Variants in VIPAS39 observed in about 807,000 individuals in gnomAD.
The protein encoded by VIPAS39 is spermatogenesis-defective protein 39 homolog.
A neutral mutation model predicts 84.7 loss-of-function variants in VIPAS39; 63 were observed. The observed-to-expected ratio is 0.74, with a 90% CI of 0.61 to 0.92. The LOEUF (loss-of-function observed/expected upper bound fraction) is 0.92. VIPAS39 is among the 40% of genes least tolerant of loss of function. The pLI, the probability that VIPAS39 is intolerant of heterozygous loss-of-function variation, is 0.00. For synonymous variants in VIPAS39, 192 were observed against 216.5 expected (o/e 0.89, Z 0.99); for missense variants, 499 against 604.5 (o/e 0.83, Z 1.83).
rs763671562 is a variant in VIPAS39 at position 77,435,936 on chromosome 14, A to G, written c.837-17T>C. On this transcript the variant is annotated splice_polypyrimidine_tract_variant and intron_variant, in intron 12 of 19. Transcript: ENST00000557658. ...AATGGCAAACTGGTAGAGTGCCAGA[A>G]GGTTAGTACCTTTCTCTATTCAAAC... 1.2e-6 allele frequency: 2 copies of G among 1,613,810 alleles called. No individual in the cohort carries two copies. Among genetic ancestry groups the G allele is most frequent in the South Asian group, 1.1e-5 (1 of 91,076 alleles).
In VIPAS39 at chr14:77,451,175, A is replaced by C; in HGVS notation, c.343+12T>G. 1 of 1,614,234 alleles carries C rather than the reference A, an allele frequency of 6.2e-7. No homozygotes were observed. The highest frequency in any genetic ancestry group is 8.5e-7 in the Non-Finnish European group (1 of 1,180,042). On this transcript the variant is annotated intron_variant, in intron 4 of 19. Transcript: ENST00000557658. Reference sequence around the variant, plus strand: ...GAAGGACTTCCCTATCCATTTAAGCATCTCTCTTTACCTCTAAAAAAGCTG... The same window carrying C: ...GAAGGACTTCCCTATCCATTTAAGCCTCTCTCTTTACCTCTAAAAAAGCTG...
intron 7 of VIPAS39, among the ~76,000 whole-genome samples, chr14:77,445,080 T>A (rs1004743446): frequency 6.6e-6 from 1 of 151,644 alleles, no homozygotes; most frequent in Non-Finnish European, 1.5e-5. Flanking sequence ...TGCCTCAGCC[T>A]CCCGAGTAGC....
intron 7 of VIPAS39, among the ~76,000 whole-genome samples, chr14:77,447,782 T>G (rs972850124): frequency 5.9e-5 from 9 of 152,138 alleles, no homozygotes; most frequent in Admixed American, 2.6e-4. Context: ...TGCCTCAGCC[T>G]CCCGAGTAGC....
Position 77,457,548 on chromosome 14 carries a change from G to T in VIPAS39, c.-54C>A. The stretch of plus-strand genomic sequence containing the variant: ...GACAGCGCCAGCCTCCGCCGCCGCT[G>T]GACCAGCCCTTCTATTCAGGCTGTG... On this transcript the variant is annotated 5_prime_UTR_variant, in exon 1 of 20. Coordinates refer to ENST00000557658, the MANE Select transcript of VIPAS39 (RefSeq NM_001193315.2). The T allele has an allele frequency of 1.5e-6, 1 of 670,042 alleles. No homozygotes were observed. Among genetic ancestry groups the T allele is most frequent in the Admixed American group, 2.8e-5 (1 of 35,582 alleles). The allele number at this position is 670,042 out of a possible 1,614,324, so 41.5% of individuals were successfully genotyped here. A position where few individuals can be genotyped will look rare whatever the true frequency, so the allele number is the denominator to read the frequency against.
At chr14:77,427,976 A>G (rs371723574) in intron 19 of VIPAS39, among the ~76,000 whole-genome samples, 1 of 152,200 alleles carries the variant, frequency 6.6e-6, no homozygotes, top group African/African-American at 2.4e-5. Flanking sequence ...TGTGCTCCCC[A>G]GGTAGCTAAC....
intron 7 of VIPAS39, among the ~76,000 whole-genome samples, chr14:77,446,044 T>A (rs1185359296): frequency 2.0e-5 from 3 of 149,454 alleles, no homozygotes; most frequent in African/African-American, 7.4e-5. Context: ...TTTCATGGCT[T>A]TAACAGTGGT....
Position 77,427,625 on chromosome 14 carries a change from C to T in VIPAS39, c.1473G>A (p.Trp491Ter). ...DALLSSSQIR[W>*]KN is the part of the protein sequence containing the mutation. Reference sequence around the variant, plus strand: ...AGGTAGTCAATGCCACTTAATTCTTCCATCGAATTTGCTGTGGAAAGAGGA... The same window carrying T: ...AGGTAGTCAATGCCACTTAATTCTTTCATCGAATTTGCTGTGGAAAGAGGA... The change falls in exon 20 of 20, where the codon TGG becomes TGA. Residue 491 changes from tryptophan (W) to a stop codon, truncating the protein, a stop_gained. Coordinates refer to ENST00000557658, the MANE Select transcript of VIPAS39 (RefSeq NM_001193315.2). LOFTEE classifies it high-confidence loss of function. 1.2e-6 allele frequency: 2 copies of T among 1,614,142 alleles called. No homozygotes were observed. The highest frequency in any genetic ancestry group is 2.2e-5 in the East Asian group (1 of 44,888).
intron 16 of VIPAS39, 66 bp from the exon 17 acceptor site, chr14:77,429,833 A>G (rs949526916): frequency 3.6e-6 from 5 of 1,391,216 alleles, no homozygotes; most frequent in Admixed American, 1.7e-5. Context: ...AGGTTAGTCT[A>G]TGTTTTACGA....
intron 13 of VIPAS39, 39 bp from the exon 14 acceptor site, chr14:77,435,432 A>G: frequency 6.3e-7 from 1 of 1,588,720 alleles, no homozygotes; most frequent in Non-Finnish European, 8.6e-7. Context: ...AAAAAAAACA[A>G]TGTCCATGGA....
intron 6 of VIPAS39, 25 bp from the exon 7 acceptor site, chr14:77,448,575 C>T: frequency 6.2e-7 from 1 of 1,613,452 alleles, no homozygotes; most frequent in Non-Finnish European, 8.5e-7. Context: ...ATACGTGAAT[C>T]CCAGGAAGTT....
intron 3 of VIPAS39, among the ~76,000 whole-genome samples, chr14:77,452,042 A>C (rs1030738052): frequency 6.6e-6 from 1 of 152,332 alleles, no homozygotes; most frequent in Non-Finnish European, 1.5e-5. Flanking sequence ...AGAAATATAA[A>C]GAGCAAAAGA....
intron 7 of VIPAS39, 74 bp from the exon 8 acceptor site, chr14:77,444,415 A>G (rs1473265951): frequency 7.5e-7 from 1 of 1,325,198 alleles, no homozygotes; most frequent in South Asian, 1.2e-5. Context: ...ATACTAAAGA[A>G]TAAGCAATAA....
At chr14:77,435,961 C>T (rs1240455041) in intron 12 of VIPAS39, 42 bp from the exon 13 acceptor site, 4 of 1,607,390 alleles carry the variant, frequency 2.5e-6, no homozygotes, top group Admixed American at 1.7e-5. Context: ...TCTATTCAAA[C>T]AAGGAAACAA....
intron 12 of VIPAS39, 33 bp from the exon 13 acceptor site, chr14:77,435,952 C>G: frequency 6.2e-7 from 1 of 1,611,752 alleles, no homozygotes; most frequent in Admixed American, 1.7e-5. Flanking sequence ...GTACCTTTCT[C>G]TATTCAAACA....
In VIPAS39 at chr14:77,453,290, T is replaced by G. The variant is rs1233210101; in HGVS notation, c.196+9A>C. 1.2e-6 allele frequency: 2 copies of G among 1,613,630 alleles called. No homozygotes were observed. The highest frequency in any genetic ancestry group is 1.7e-6 in the Non-Finnish European group (2 of 1,179,668). The stretch of plus-strand genomic sequence containing the variant: ...ACATCTATCCCTGCCTAGGGACTCT[T>G]CTACTTACTTCCCACAGGTTCCCCA... On this transcript the variant is annotated intron_variant, in intron 3 of 19. Transcript: ENST00000557658.
rs577090752 is a variant in VIPAS39, at chr14:77,435,379, A to G, written c.927T>C (p.His309=). The G allele has an allele frequency of 3.8e-6, 6 of 1,568,872 alleles. No individual in the cohort carries two copies. The highest frequency in any genetic ancestry group is 4.9e-5 in the East Asian group (2 of 40,860). ...RQIIIEANDR[H]LESAGQTEIF... ...TCTCAGTCTGTCCTGCTGATTCTAG[A>G]TGGCGATCATTTGCCTGTGGTGGAG... is the stretch of plus-strand genomic sequence containing the variant. Residue 309 remains histidine (H), a synonymous_variant, in exon 14 of 20, where the codon CAT becomes CAC. Transcript: ENST00000557658.
intron 6 of VIPAS39, among the ~76,000 whole-genome samples, chr14:77,448,908 A>G (rs2139864784): frequency 6.6e-6 from 1 of 152,326 alleles, no homozygotes; most frequent in Middle Eastern, 3.4e-3. Flanking sequence ...TGTTGGAGAC[A>G]TGTTCCTTTT....
At chr14:77,446,365 G>A (rs538863834) in intron 7 of VIPAS39, among the ~76,000 whole-genome samples, 1 of 152,102 alleles carries the variant, frequency 6.6e-6, no homozygotes, top group African/African-American at 2.4e-5. Flanking sequence ...GTGCAGTGAT[G>A]CAATCACAGC....
At chr14:77,457,414 C>T in intron 1 of VIPAS39, 81 bp downstream of exon 1, 1 of 1,534,722 alleles carries the variant, frequency 6.5e-7, no homozygotes, top group Non-Finnish European at 8.7e-7. Context: ...GGGATGCCTC[C>T]TAGAAGAGGG....
Sources: allele counts gnomAD v4.1 joint callset (sites outside exome capture counted in the v4.1 genomes callset), GRCh38; gene constraint gnomAD v4.1.1; transcripts MANE v1.5; gene names NCBI Gene and HGNC (gene_info 2026-07-23, HGNC 2026-07-21).